ICA1L: variants seen among roughly 807,000 people sequenced by gnomAD.
ICA1L encodes the protein islet cell autoantigen 1-like protein.
Under a neutral mutation model 61.3 loss-of-function variants are expected in ICA1L, and 50 were observed. That is an observed-to-expected ratio of 0.82 (90% CI 0.65 to 1.03). ICA1L has a LOEUF of 1.03. Among genes scored for constraint, ICA1L ranks in the 50% least tolerant of loss-of-function variants. The pLI is 0.00. For synonymous variants in ICA1L, 161 were observed against 191.3 expected (o/e 0.84, Z 1.31); for missense variants, 508 against 556.7 (o/e 0.91, Z 0.88).
chr2:202,847,703 A>ATATATATATATATATATATATATGTG (rs11274512), intron 1 of ICA1L, among the ~76,000 whole-genome samples: 7 of 131,256 alleles, frequency 5.3e-5, no homozygotes, highest in African/African-American at 1.4e-4. Context: ...AATTATATAT[A>ATATATATATATATATATATATATGTG]TATATAGTTA....
chr2:202,807,376 A>T (rs1011104021), intron 9 of ICA1L, among the ~76,000 whole-genome samples: 1 of 152,214 alleles, frequency 6.6e-6, no homozygotes, highest in African/African-American at 2.4e-5. Context: ...GCTGAAAGCA[A>T]CATGGGGCAG....
At chr2:202,812,785 G>GT (rs1278481931) in intron 8 of ICA1L, among the ~76,000 whole-genome samples, 1 of 151,982 alleles carries the variant, frequency 6.6e-6, no homozygotes, top group African/African-American at 2.4e-5. Flanking sequence ...ATAGTATTAT[G>GT]TTTTTTTAAA....
chr2:202,782,250 C>T (rs1692430649), intron 12 of ICA1L, among the ~76,000 whole-genome samples: 1 of 152,030 alleles, frequency 6.6e-6, no homozygotes, highest in Admixed American at 6.5e-5. Flanking sequence ...GAGGCTGAGA[C>T]AGGAGAATTG....
chr2:202,811,502 A>G (rs1369630110), intron 9 of ICA1L, among the ~76,000 whole-genome samples: 1 of 151,860 alleles, frequency 6.6e-6, no homozygotes, highest in African/African-American at 2.4e-5. Flanking sequence ...TACTAAAAAT[A>G]CAAAAAAAAA....
intron 9 of ICA1L, among the ~76,000 whole-genome samples, chr2:202,798,131 T>TGTACA (rs1574334934): frequency 1.3e-5 from 2 of 152,356 alleles, no homozygotes; most frequent in East Asian, 3.9e-4. Context: ...GGCTGAATAG[T>TGTACA]ATTCCATTGT....
intron 4 of ICA1L, 101 bp from the exon 5 acceptor site, chr2:202,820,000 T>A: frequency 1.2e-6 from 1 of 854,084 alleles, no homozygotes; most frequent in Non-Finnish European, 1.8e-6. Flanking sequence ...ACAAGATGAA[T>A]CTACAAGTAA....
chr2:202,819,349 C>A (rs2105850272), intron 5 of ICA1L, among the ~76,000 whole-genome samples: 1 of 152,278 alleles, frequency 6.6e-6, no homozygotes, highest in African/African-American at 2.4e-5. Context: ...AATTAACAAT[C>A]ATTTTACATG....
Position 202,870,764 on chromosome 2 carries a change from T to C in ICA1L, c.-8+855A>G, listed in dbSNP as rs560120024. The stretch of plus-strand genomic sequence containing the variant: ...CTATTTTACAGAGACCCATAGTTTA[T>C]AACAGCTTTTATGCTGTGTGCATCA... On this transcript the variant is annotated intron_variant, in intron 1 of 12. Transcript: ENST00000358299. 3 of 152,362 alleles carry C rather than the reference T, an allele frequency of 2.0e-5. No individual in the cohort carries two copies. The East Asian group carries it at 5.8e-4, about 29-fold the overall frequency. The allele number at this position is 152,362 out of a possible 1,614,324, so 9.4% of individuals were successfully genotyped here. A position where few individuals can be genotyped will look rare whatever the true frequency, so the allele number is the denominator to read the frequency against.
chr2:202,803,753 CCT>C (rs1346077747), intron 9 of ICA1L, among the ~76,000 whole-genome samples: 1 of 152,100 alleles, frequency 6.6e-6, no homozygotes, highest in Non-Finnish European at 1.5e-5. Flanking sequence ...GTCTCGAACT[CCT>C]GGGCTCAGGC....
intron 2 of ICA1L, among the ~76,000 whole-genome samples, 187 bp from the exon 3 acceptor site, chr2:202,825,954 T>C (rs1484714300): frequency 6.6e-6 from 1 of 152,136 alleles, no homozygotes; most frequent in African/African-American, 2.4e-5. Flanking sequence ...CATTCCCCCA[T>C]GAGAGCTGGA....
intron 1 of ICA1L, chr2:202,841,387 C>T (rs1694325322): frequency 9.9e-7 from 1 of 1,013,832 alleles, no homozygotes; most frequent in Non-Finnish European, 1.5e-6. Flanking sequence ...TTGCTCTAAG[C>T]CATCTTCTGC....
At chr2:202,779,773 A>AATCT (rs1692337317) in intron 12 of ICA1L, 125 bp from the exon 13 acceptor site, 2 of 610,618 alleles carry the variant, frequency 3.3e-6, no homozygotes, top group East Asian at 5.6e-5. Context: ...AACTGACAAT[A>AATCT]ATCTATCAAC....
In ICA1L at chr2:202,773,780, C is replaced by T. The variant is rs150337227; in HGVS notation, c.*5753G>A. 338 of 1,381,144 alleles carry T rather than the reference C, an allele frequency of 2.4e-4. 2 individuals are homozygous for T. In the African/African-American group the frequency reaches 4.4e-3, roughly 18 times the overall value. 85.6% of individuals were successfully genotyped at this position (1,381,144 alleles called of 1,614,324 possible). A position where few individuals can be genotyped will look rare whatever the true frequency, so the allele number is the denominator to read the frequency against. On this transcript the variant is annotated 3_prime_UTR_variant, in exon 13 of 13. Coordinates refer to ENST00000358299, the MANE Select transcript of ICA1L (RefSeq NM_001288622.3). Reference sequence around the variant, plus strand: ...TCCAAAGGTGGAAGAATACATACACCGGTATGGTAATAGGCAAGAGCAGGC... The same window carrying T: ...TCCAAAGGTGGAAGAATACATACACTGGTATGGTAATAGGCAAGAGCAGGC...
chr2:202,779,506 G>T lies in ICA1L; in HGVS notation c.*27C>A. The stretch of plus-strand genomic sequence containing the variant: ...TACGTTGCAAAATTGATGTCTCAAG[G>T]CCACTGAAGTGACATTATAACTTCA... On this transcript the variant is annotated 3_prime_UTR_variant, in exon 13 of 13. Coordinates refer to ENST00000358299, the MANE Select transcript of ICA1L (RefSeq NM_001288622.3). The T allele has an allele frequency of 7.4e-7, 1 of 1,358,820 alleles. No homozygotes were observed. The highest frequency in any genetic ancestry group is 1.0e-6 in the Non-Finnish European group (1 of 955,878). 84.2% of individuals were successfully genotyped at this position (1,358,820 alleles called of 1,614,324 possible). A position where few individuals can be genotyped will look rare whatever the true frequency, so the allele number is the denominator to read the frequency against.
chr2:202,798,244 T>C (rs1026613532), intron 9 of ICA1L, among the ~76,000 whole-genome samples: 3 of 152,156 alleles, frequency 2.0e-5, no homozygotes, highest in African/African-American at 4.8e-5. Flanking sequence ...TACTTTTTTT[T>C]TGAGAAAGGG....
chr2:202,807,844 A>T (rs1559133931), intron 9 of ICA1L, among the ~76,000 whole-genome samples: 1 of 152,064 alleles, frequency 6.6e-6, no homozygotes, highest in Non-Finnish European at 1.5e-5. Context: ...TAGCTCCCAG[A>T]TCACATTTTT....
chr2:202,855,433 TA>T (rs1694743022), intron 1 of ICA1L, among the ~76,000 whole-genome samples: 1 of 151,304 alleles, frequency 6.6e-6, no homozygotes, highest in South Asian at 2.1e-4. Flanking sequence ...ATAGACACAA[TA>T]AAAAAATAAT....
At position 202,774,002 on chromosome 2, in the gene ICA1L, G is replaced by C; in HGVS notation, c.*5531C>G. 2 of 907,132 alleles carry C rather than the reference G, an allele frequency of 2.2e-6. No homozygotes were observed. Among genetic ancestry groups the C allele is most frequent in the Non-Finnish European group, 3.4e-6 (2 of 592,838 alleles). 56.2% of individuals were successfully genotyped at this position (907,132 alleles called of 1,614,324 possible). A position where few individuals can be genotyped will look rare whatever the true frequency, so the allele number is the denominator to read the frequency against. On this transcript the variant is annotated 3_prime_UTR_variant, in exon 13 of 13. Coordinates refer to ENST00000358299, the MANE Select transcript of ICA1L (RefSeq NM_001288622.3). Reference sequence around the variant, plus strand: ...TATATGGTACTAAGAAGAGTTGGCTGTTTTATTTTTTTAAATTATGAACTA... The same window carrying C: ...TATATGGTACTAAGAAGAGTTGGCTCTTTTATTTTTTTAAATTATGAACTA...
chr2:202,828,903 T>A lies in ICA1L; in HGVS notation c.107A>T (p.Lys36Ile), dbSNP rs1231582529. ...CGCCACCAAGTGCTCATCCTCTTTT[T>A]TTCCTGTTGCTTTGATAAAGACCTG... is the stretch of plus-strand genomic sequence containing the variant. Reference protein sequence around the residue: ...TKQVFIKATGKKEDEHLVASD... With the variant: ...TKQVFIKATGIKEDEHLVASD... Residue 36 changes from lysine to isoleucine, a missense_variant, in exon 2 of 13, where the codon AAA (lysine) becomes ATA (isoleucine). Transcript: ENST00000358299. The A allele has an allele frequency of 6.2e-7, 1 of 1,613,952 alleles. No homozygotes were observed. The highest frequency in any genetic ancestry group is 8.5e-7 in the Non-Finnish European group (1 of 1,179,962).
Sources: gnomAD v4.1 joint callset for allele counts (sites outside exome capture counted in the v4.1 genomes callset) on GRCh38, gnomAD v4.1.1 for gene constraint, MANE v1.5 for transcripts, NCBI Gene and HGNC (gene_info 2026-07-23, HGNC 2026-07-21) for gene names.